Variants in MAP3K13 observed in about 807,000 individuals in gnomAD.
MAP3K13 encodes the protein leucine zipper-bearing kinase.
A neutral mutation model predicts 104.0 loss-of-function variants in MAP3K13; 52 were observed. That is an observed-to-expected ratio of 0.50 (90% confidence interval 0.40 to 0.63). The LOEUF is 0.63. Among genes scored for constraint, MAP3K13 ranks in the 20% least tolerant of loss-of-function variants. MAP3K13 has a pLI of 0.00. For synonymous variants in MAP3K13, 394 were observed against 442.2 expected (o/e 0.89, Z 1.37); for missense variants, 914 against 1,218.5 (o/e 0.75, Z 3.72).
At chr3:185,454,310 TATGA>T (rs1313873615) in intron 7 of MAP3K13, among the ~76,000 whole-genome samples, 18 of 105,260 alleles carry the variant, frequency 1.7e-4, no homozygotes, top group African/African-American at 6.7e-4. Context: ...ATCATATATA[TATGA>T]GATATATATG....
upstream of MAP3K13, among the ~76,000 whole-genome samples, chr3:185,358,797 T>C (rs929267280): frequency 6.6e-6 from 1 of 152,228 alleles, no homozygotes; most frequent in Non-Finnish European, 1.5e-5. Context: ...CAGATTGTTT[T>C]CCAGATTAAT....
intron 1 of MAP3K13, among the ~76,000 whole-genome samples, chr3:185,407,208 A>G (rs951701128): frequency 6.6e-6 from 1 of 152,010 alleles, no homozygotes; most frequent in African/African-American, 2.4e-5. Flanking sequence ...ATTTTTTGCC[A>G]CCACCAGACC....
Position 185,454,273 on chromosome 3 carries a change from C to G in MAP3K13, c.1278+2878C>G, listed in dbSNP as rs1381020607. ...TATGATACATATATGAGATATATAT[C>G]ATATATATGATATATATGAGATATA... On this transcript the variant is annotated intron_variant, in intron 7 of 13. Transcript: ENST00000265026. 3.2e-4 allele frequency among the ~76,000 whole-genome samples: 12 copies of G among 37,350 alleles called. 1 individual carries two copies. The East Asian group carries it at 8.9e-3, about 28-fold the overall frequency. The allele number at this position is 37,350 out of a possible 152,430, so 24.5% of individuals were successfully genotyped here.
rs994906501 is a variant in MAP3K13 at position 185,382,771 on chromosome 3, C to T, written c.-86+19403C>T. ...TGTAATCCCAGCACTTTGGGTAGGCCGAGGCGGGTGGATCACGAGGTCAGG... is the reference window on the plus strand; with the variant it reads ...TGTAATCCCAGCACTTTGGGTAGGCTGAGGCGGGTGGATCACGAGGTCAGG... On this transcript the variant is annotated intron_variant, in intron 1 of 13. Coordinates refer to ENST00000265026, the MANE Select transcript of MAP3K13 (RefSeq NM_004721.5). 1.1e-4 allele frequency among the ~76,000 whole-genome samples: 16 copies of T among 152,158 alleles called. 1 individual carries two copies. The highest frequency in any genetic ancestry group is 2.4e-4 in the African/African-American group (10 of 41,506).
Position 185,473,730 on chromosome 3 carries a change from C to A in MAP3K13, c.2399C>A (p.Ala800Glu), listed in dbSNP as rs767698480. 21 of 1,613,550 alleles carry A rather than the reference C, an allele frequency of 1.3e-5. No homozygotes were observed. The highest frequency in any genetic ancestry group is 1.7e-5 in the Non-Finnish European group (20 of 1,179,944). ...ACCTCTCATCTCGGCACCCCTCCAG[C>A]GCTACCTCGAAAAACAAGGCCTCTG... ...LGTSHLGTPPALPRKTRPLQK... is the reference protein window; with the variant it reads ...LGTSHLGTPPELPRKTRPLQK... Residue 800 changes from alanine (A) to glutamate (E), a missense_variant, in exon 11 of 14, where the codon GCG becomes GAG. This residue lies in a region of MAP3K13 where 583 missense variants were observed against 737.4 expected (regional missense o/e 0.79). Transcript: ENST00000265026. This position sits in a 1 kb window ranked among gnomAD's most constrained non-coding sequence, Gnocchi z 4.9.
chr3:185,451,633 G>A (rs1424063931), intron 7 of MAP3K13: 6 of 348,476 alleles, frequency 1.7e-5, no homozygotes, highest in African/African-American at 4.2e-5. Context: ...TTGGGAGGCC[G>A]AGCCAGGCAG....
At chr3:185,340,455 G>A (rs1361014960) in intron 2 of MAP3K13, among the ~76,000 whole-genome samples, 6 of 152,144 alleles carry the variant, frequency 3.9e-5, no homozygotes, top group Admixed American at 2.6e-4. Flanking sequence ...TGCTAAAGAC[G>A]CATCAGGAAT....
chr3:185,341,125 G>A (rs924529195), intron 2 of MAP3K13, among the ~76,000 whole-genome samples: 82 of 152,088 alleles, frequency 5.4e-4, no homozygotes, highest in Admixed American at 4.6e-3. Context: ...CAAAATTCAC[G>A]TCCACCAGAA....
chr3:185,444,621 A>G (rs1355684661), intron 4 of MAP3K13, among the ~76,000 whole-genome samples: 2 of 152,194 alleles, frequency 1.3e-5, no homozygotes, highest in African/African-American at 4.8e-5. Context: ...GCTACCAATC[A>G]CTTTAAGAGG....
intron 2 of MAP3K13, among the ~76,000 whole-genome samples, chr3:185,331,948 A>G (rs1425791566): frequency 1.3e-5 from 2 of 152,234 alleles, no homozygotes; most frequent in African/African-American, 2.4e-5. Flanking sequence ...CCATGTAAGT[A>G]CATAGAGAGT....
intron 7 of MAP3K13, among the ~76,000 whole-genome samples, chr3:185,456,367 T>C (rs1274076190): frequency 6.6e-6 from 1 of 152,168 alleles, no homozygotes; most frequent in Admixed American, 6.6e-5. Context: ...GGAGGTTGAC[T>C]TCATGGCATT....
At chr3:185,289,375 A>G (rs1720650520) in intron 2 of MAP3K13, among the ~76,000 whole-genome samples, 1 of 152,120 alleles carries the variant, frequency 6.6e-6, no homozygotes. Context: ...TTTATTGTCG[A>G]TGGGTTTAAT....
Position 185,450,102 on chromosome 3 carries a change from T to C in MAP3K13, c.1169+44T>C. 2 of 1,488,962 alleles carry C rather than the reference T, an allele frequency of 1.3e-6. No homozygotes were observed. Among genetic ancestry groups the C allele is most frequent in the South Asian group, 1.4e-5 (1 of 73,266 alleles). The allele number at this position is 1,488,962 out of a possible 1,614,324, so 92.2% of individuals were successfully genotyped here. A position where few individuals can be genotyped will look rare whatever the true frequency, so the allele number is the denominator to read the frequency against. Reference sequence around the variant, plus strand: ...AAACAATAGGGAGGTCTCTAATGTGTATTTGGAGTAAATATCCTGGTGGTG... The same window carrying C: ...AAACAATAGGGAGGTCTCTAATGTGCATTTGGAGTAAATATCCTGGTGGTG... On this transcript the variant is annotated intron_variant, in intron 6 of 13. Coordinates refer to ENST00000265026, the MANE Select transcript of MAP3K13 (RefSeq NM_004721.5). The surrounding 1 kb of genome is among the most constrained non-coding windows in gnomAD (Gnocchi z 4.2).
intron 7 of MAP3K13, among the ~76,000 whole-genome samples, chr3:185,460,119 T>G (rs1295866139): frequency 6.6e-6 from 1 of 152,180 alleles, no homozygotes; most frequent in African/African-American, 2.4e-5. Context: ...TCTATTAATT[T>G]GACTTTATTT....
chr3:185,326,667 G>A (rs1722050360), intron 2 of MAP3K13, among the ~76,000 whole-genome samples: 1 of 151,910 alleles, frequency 6.6e-6, no homozygotes, highest in Admixed American at 6.6e-5. Flanking sequence ...GATAGAACCA[G>A]GATTCACACT....
chr3:185,403,580 A>G (rs1038781286), intron 1 of MAP3K13, among the ~76,000 whole-genome samples: 11 of 152,210 alleles, frequency 7.2e-5, no homozygotes, highest in African/African-American at 2.2e-4. Context: ...CACAATGTAC[A>G]TATATCTCAA....
intron 2 of MAP3K13, among the ~76,000 whole-genome samples, chr3:185,316,667 A>T (rs1721685703): frequency 6.6e-6 from 1 of 152,174 alleles, no homozygotes; most frequent in Non-Finnish European, 1.5e-5. Context: ...TGTTTTGCTG[A>T]CTAGATGGGA....
intron 2 of MAP3K13, among the ~76,000 whole-genome samples, chr3:185,342,118 G>A (rs1411175422): frequency 6.6e-6 from 1 of 152,114 alleles, no homozygotes; most frequent in Non-Finnish European, 1.5e-5. Context: ...GAACAATTTT[G>A]GAAGTAGTTC....
intron 2 of MAP3K13, among the ~76,000 whole-genome samples, chr3:185,290,107 T>A (rs1373440555): frequency 6.6e-6 from 1 of 152,212 alleles, no homozygotes; most frequent in Non-Finnish European, 1.5e-5. Context: ...CCATAAAGCT[T>A]ACTTTATCTT....
Sources: gnomAD v4.1 joint callset for allele counts (sites outside exome capture counted in the v4.1 genomes callset) on GRCh38, gnomAD v4.1.1 for gene constraint, gnomAD v4.1.1 regional missense constraint, Gnocchi (gnomAD v3.1) non-coding constraint, MANE v1.5 for transcripts, NCBI Gene and HGNC (gene_info 2026-07-23, HGNC 2026-07-21) for gene names.